Variants in SLC15A5 observed in about 807,000 individuals in gnomAD.
SLC15A5 encodes solute carrier family 15 member 5.
SLC15A5 carries 58 observed loss-of-function variants against 56.1 expected under a neutral mutation model. The observed-to-expected ratio is 1.03, with a 90% CI of 0.84 to 1.29. The LOEUF (loss-of-function observed/expected upper bound fraction) is 1.29. Among genes scored for constraint, SLC15A5 ranks in the 50% most tolerant of loss-of-function variants. The pLI, the probability that SLC15A5 is intolerant of heterozygous loss-of-function variation, is 0.00. For missense variants in SLC15A5, 681 were observed against 672.1 expected (o/e 1.01, Z -0.15); for synonymous variants, 264 against 250.5 (o/e 1.05, Z -0.51).
intron 3 of SLC15A5, among the ~76,000 whole-genome samples, chr12:16,245,813 T>C (rs1864455655): frequency 1.3e-5 from 2 of 152,230 alleles, no homozygotes; most frequent in Admixed American, 1.3e-4. Context: ...AAGTTTCCTA[T>C]AATAAAATTC....
intron 7 of SLC15A5, among the ~76,000 whole-genome samples, chr12:16,207,330 T>G (rs1864029711): frequency 6.6e-6 from 1 of 152,246 alleles, no homozygotes; most frequent in South Asian, 2.1e-4. Flanking sequence ...TCTGCTTATT[T>G]GTACAGTCTG....
At chr12:16,195,135 A>G (rs995535791) in intron 7 of SLC15A5, among the ~76,000 whole-genome samples, 3 of 152,030 alleles carry the variant, frequency 2.0e-5, no homozygotes, top group Non-Finnish European at 4.4e-5. Context: ...TCAAGGTTCA[A>G]GGTAATTACT....
intron 2 of SLC15A5, among the ~76,000 whole-genome samples, chr12:16,262,933 C>A (rs78268162): frequency 0.14 from 8,031 of 55,428 alleles, 324 homozygotes; most frequent in African/African-American, 0.28. Flanking sequence ...AACTGTAAGT[C>A]CAGTTAAACC....
chr12:16,209,253 T>C (rs1177909395), intron 7 of SLC15A5, among the ~76,000 whole-genome samples: 2 of 152,112 alleles, frequency 1.3e-5, no homozygotes, highest in African/African-American at 4.8e-5. Context: ...TATGTGCATA[T>C]ACATATATAC....
Position 16,249,810 on chromosome 12 carries a change from A to G in SLC15A5, c.755-5010T>C, listed in dbSNP as rs139474968. On this transcript the variant is annotated intron_variant, in intron 3 of 8. Transcript: ENST00000344941. Reference sequence around the variant, plus strand: ...AATATATGTATACATATGTATGCATATGTGTGTGCGTATTCACAAAACTCC... The same window carrying G: ...AATATATGTATACATATGTATGCATGTGTGTGTGCGTATTCACAAAACTCC... 4.7e-3 allele frequency among the ~76,000 whole-genome samples: 709 copies of G among 152,190 alleles called. 6 individuals are homozygous for G. Among genetic ancestry groups the G allele is most frequent in the African/African-American group, 0.016 (658 of 41,566 alleles).
intron 4 of SLC15A5, among the ~76,000 whole-genome samples, chr12:16,240,281 A>C (rs1363815861): frequency 6.6e-6 from 1 of 152,188 alleles, no homozygotes; most frequent in Non-Finnish European, 1.5e-5. Context: ...TGATGAAAAA[A>C]ATGAGGCTAG....
At chr12:16,238,629 C>A (rs1357394176) in intron 5 of SLC15A5, among the ~76,000 whole-genome samples, 352 of 115,996 alleles carry the variant, frequency 3.0e-3, no homozygotes, top group South Asian at 5.2e-3. Flanking sequence ...GACTCCGTCT[C>A]AAAAAAAAAA....
intron 8 of SLC15A5, among the ~76,000 whole-genome samples, chr12:16,191,385 ATT>A (rs1863836915): frequency 6.6e-6 from 1 of 152,008 alleles, no homozygotes; most frequent in Non-Finnish European, 1.5e-5. Context: ...TTGTTTCATA[ATT>A]AATACACTGT....
rs921319823 is a variant in SLC15A5 at position 16,194,473 on chromosome 12, T to C, written c.1484-20A>G. On this transcript the variant is annotated intron_variant, in intron 7 of 8. Transcript: ENST00000344941. ...AATTGCCTGTTTGGAACAAATGTAA[T>C]TGTTATTCAACTGCAGAGTTGTAAG... The C allele has an allele frequency of 4.8e-6, 7 of 1,461,144 alleles. No individual in the cohort carries two copies. Among genetic ancestry groups the C allele is most frequent in the East Asian group, 2.5e-5 (1 of 40,500 alleles). The allele number at this position is 1,461,144 out of a possible 1,614,324, so 90.5% of individuals were successfully genotyped here.
chr12:16,224,530 G>C lies in SLC15A5; in HGVS notation c.1235C>G (p.Pro412Arg). Reference protein sequence around the residue: ...GFFEIHRKHFPAVEQPLSGKV... With the variant: ...GFFEIHRKHFRAVEQPLSGKV... The stretch of plus-strand genomic sequence containing the variant: ...TCCTGAAAGGGGCTGCTCCACTGCA[G>C]GGAAATGTTTTCGGTGTATTTCAAA... Residue 412 changes from proline to arginine, a missense_variant, in exon 6 of 9, where the codon CCT (proline) becomes CGT (arginine). Pro to Arg is a moderately radical substitution (Grantham distance 103, BLOSUM62 -2). Coordinates refer to ENST00000344941, the MANE Select transcript of SLC15A5 (RefSeq NM_001170798.1). 1 of 1,537,166 alleles carries C rather than the reference G, an allele frequency of 6.5e-7. No homozygotes were observed. The highest frequency in any genetic ancestry group is 8.7e-7 in the Non-Finnish European group (1 of 1,146,868).
Position 16,216,798 on chromosome 12 carries a change from G to T in SLC15A5, c.1483+95C>A, listed in dbSNP as rs1469195196. 5 of 1,058,104 alleles carry T rather than the reference G, an allele frequency of 4.7e-6. No individual in the cohort carries two copies. The East Asian group carries it at 1.4e-4, about 29-fold the overall frequency. 65.5% of individuals were successfully genotyped at this position (1,058,104 alleles called of 1,614,324 possible). On this transcript the variant is annotated intron_variant, in intron 7 of 8. Coordinates refer to ENST00000344941, the MANE Select transcript of SLC15A5 (RefSeq NM_001170798.1). ...TGCAAAAGTGGATCAATTAAAAAAA[G>T]ACTGCACTGACAAAGCCCCTTTCTT...
chr12:16,275,813 A>G (rs960320909), intron 1 of SLC15A5, among the ~76,000 whole-genome samples: 1 of 152,054 alleles, frequency 6.6e-6, no homozygotes, highest in Non-Finnish European at 1.5e-5. Flanking sequence ...ATGTTAAACA[A>G]GAAGTCAACA....
intron 3 of SLC15A5, among the ~76,000 whole-genome samples, chr12:16,251,328 T>C (rs1864516542): frequency 6.6e-6 from 1 of 150,922 alleles, no homozygotes; most frequent in Admixed American, 6.6e-5. Context: ...AAGAAGGAAA[T>C]AATAAAGATT....
intron 7 of SLC15A5, among the ~76,000 whole-genome samples, chr12:16,198,982 C>A (rs1156631885): frequency 2.0e-5 from 3 of 151,998 alleles, no homozygotes; most frequent in African/African-American, 7.3e-5. Flanking sequence ...TGCTCCTCAC[C>A]CAGAGGGAAG....
At chr12:16,233,745 A>G (rs1320863590) in intron 5 of SLC15A5, among the ~76,000 whole-genome samples, 6 of 152,194 alleles carry the variant, frequency 3.9e-5, no homozygotes, top group Non-Finnish European at 7.3e-5. Context: ...CTCCCTGACC[A>G]GTAGTGTAGG....
rs546970589 is a variant in SLC15A5, at chr12:16,229,622, G to A, written c.1163-5020C>T. On this transcript the variant is annotated intron_variant, in intron 5 of 8. Coordinates refer to ENST00000344941, the MANE Select transcript of SLC15A5 (RefSeq NM_001170798.1). ...CTTTACTACCAAGAAAAGGGCCCAG[G>A]TTCAAAGTAAGCAACACACACACAT... Among the ~76,000 whole-genome samples, 57 of 140,500 alleles carry A rather than the reference G, an allele frequency of 4.1e-4. No individual in the cohort carries two copies. The South Asian group carries it at 9.8e-3, about 24-fold the overall frequency. 92.2% of individuals were successfully genotyped at this position (140,500 alleles called of 152,430 possible).
At chr12:16,252,985 T>A (rs911246207) in intron 3 of SLC15A5, among the ~76,000 whole-genome samples, 4 of 151,992 alleles carry the variant, frequency 2.6e-5, no homozygotes, top group Admixed American at 6.6e-5. Flanking sequence ...AAATACACCT[T>A]CGCACATGTT....
chr12:16,259,895 C>T (rs907822703), intron 2 of SLC15A5, among the ~76,000 whole-genome samples: 5 of 83,432 alleles, frequency 6.0e-5, no homozygotes, highest in African/African-American at 1.8e-4. Flanking sequence ...GCTGACACCA[C>T]CCGGGCGGGG....
chr12:16,202,734 A>G (rs532266974), intron 7 of SLC15A5, among the ~76,000 whole-genome samples: 5 of 152,342 alleles, frequency 3.3e-5, no homozygotes, highest in African/African-American at 1.2e-4. Context: ...TCAATTGATT[A>G]ATACATTTTA....
Sources: gnomAD v4.1 joint callset for allele counts (sites outside exome capture counted in the v4.1 genomes callset) on GRCh38, gnomAD v4.1.1 for gene constraint, MANE v1.5 for transcripts, NCBI Gene and HGNC (gene_info 2026-07-23, HGNC 2026-07-21) for gene names.